Variants in ATP6V1C2 observed in about 807,000 individuals in gnomAD.
ATP6V1C2 encodes V-type proton ATPase subunit C 2.
ATP6V1C2 carries 45 observed loss-of-function variants against 56.8 expected under a neutral mutation model. The ratio of observed to expected loss-of-function variants is 0.79; its 90% CI spans 0.62 to 1.02. The LOEUF is 1.02. Ranked by LOEUF, ATP6V1C2 falls within the 50% of genes least tolerant of loss-of-function variation. The probability of loss-of-function intolerance (pLI) is 0.00; values close to 1 mark genes in which losing one functional copy is unlikely to be tolerated. For missense variants in ATP6V1C2, 463 were observed against 519.7 expected, an observed-to-expected ratio of 0.89 and a Z score of 1.06; for synonymous variants, 220 against 201.3, an observed-to-expected ratio of 1.09 and a Z score of -0.79.
intron 4 of ATP6V1C2, among the ~76,000 whole-genome samples, chr2:10,762,692 C>T (rs1228443873): frequency 6.6e-6 from 1 of 152,100 alleles, no homozygotes; most frequent in Non-Finnish European, 1.5e-5. Flanking sequence ...AACTTGCCTC[C>T]TCTCCTCCAT....
At chr2:10,761,984 G>A (rs1388347042) in intron 4 of ATP6V1C2, among the ~76,000 whole-genome samples, 2 of 152,222 alleles carry the variant, frequency 1.3e-5, no homozygotes, top group Admixed American at 1.3e-4. Flanking sequence ...AGTGCATGTG[G>A]CAGGGAGGGG....
chr2:10,722,673 G>A lies in ATP6V1C2; in HGVS notation c.-26-151G>A, dbSNP rs114720171. 1,171 of 799,870 alleles carry A rather than the reference G, an allele frequency of 1.5e-3. 8 individuals are homozygous for A. In the African/African-American group the frequency reaches 0.018, roughly 13 times the overall value. The allele number at this position is 799,870 out of a possible 1,614,324, so 49.5% of individuals were successfully genotyped here. On this transcript the variant is annotated intron_variant, in intron 1 of 13. Coordinates refer to ENST00000272238, the MANE Select transcript of ATP6V1C2 (RefSeq NM_001039362.2). ...TCGGGAACACCTGAGGGCTGCCCAG[G>A]TGGAGATAAGAGCTTTGCTTTTGCA...
intron 3 of ATP6V1C2, among the ~76,000 whole-genome samples, chr2:10,728,500 G>A (rs1661769962): frequency 6.6e-6 from 1 of 152,102 alleles, no homozygotes; most frequent in African/African-American, 2.4e-5. Flanking sequence ...TTCTTTTAAT[G>A]GCTGTGTTAC....
intron 3 of ATP6V1C2, among the ~76,000 whole-genome samples, chr2:10,729,479 A>G (rs532035080): frequency 1.6e-4 from 25 of 152,312 alleles, no homozygotes; most frequent in Admixed American, 9.8e-4. Flanking sequence ...CCATCCAAAT[A>G]TAACTATTAT....
chr2:10,782,143 G>A (rs754683922), intron 12 of ATP6V1C2, 100 bp from the exon 13 acceptor site: 21 of 1,411,870 alleles, frequency 1.5e-5, no homozygotes, highest in Admixed American at 2.0e-5. Flanking sequence ...TGTGTTGGTT[G>A]AAGCTTTTCA....
intron 3 of ATP6V1C2, among the ~76,000 whole-genome samples, chr2:10,745,919 T>C (rs1167166604): frequency 6.6e-6 from 1 of 152,224 alleles, no homozygotes; most frequent in Non-Finnish European, 1.5e-5. Flanking sequence ...ATGTCTTCAA[T>C]GTCTTACAGC....
At chr2:10,771,635 G>A (rs778067545) in intron 6 of ATP6V1C2, among the ~76,000 whole-genome samples, 3 of 152,228 alleles carry the variant, frequency 2.0e-5, no homozygotes, top group Non-Finnish European at 4.4e-5. Context: ...GGAGGCAGCA[G>A]CTGTGGCCCC....
At chr2:10,766,822 C>T (rs891927886) in intron 5 of ATP6V1C2, among the ~76,000 whole-genome samples, 2 of 152,066 alleles carry the variant, frequency 1.3e-5, no homozygotes, top group African/African-American at 2.4e-5. Flanking sequence ...ATACTTCTAT[C>T]GTGCAGAAGA....
At chr2:10,736,078 G>T (rs1480574982) in intron 3 of ATP6V1C2, among the ~76,000 whole-genome samples, 2 of 152,134 alleles carry the variant, frequency 1.3e-5, no homozygotes, top group African/African-American at 4.8e-5. Context: ...CATCCTGAAG[G>T]TTTGTTAAAA....
intron 4 of ATP6V1C2, among the ~76,000 whole-genome samples, chr2:10,762,286 C>T (rs565881781): frequency 7.4e-4 from 112 of 152,004 alleles, no homozygotes; most frequent in African/African-American, 2.6e-3. Context: ...GCTGGAACTA[C>T]GGGCGTGTGC....
At chr2:10,759,707 G>T (rs1013757128) in intron 4 of ATP6V1C2, among the ~76,000 whole-genome samples, 1 of 152,144 alleles carries the variant, frequency 6.6e-6, no homozygotes, top group Non-Finnish European at 1.5e-5. Flanking sequence ...GGCTGGGCAC[G>T]GTGGCTCACG....
chr2:10,724,001 A>G (rs575697678), intron 2 of ATP6V1C2, among the ~76,000 whole-genome samples: 1 of 151,790 alleles, frequency 6.6e-6, no homozygotes, highest in African/African-American at 2.4e-5. Flanking sequence ...CCCTCAGGTG[A>G]TCCACCTGCC....
At chr2:10,752,658 A>G (rs1663286078) in intron 3 of ATP6V1C2, among the ~76,000 whole-genome samples, 1 of 152,180 alleles carries the variant, frequency 6.6e-6, no homozygotes, top group Non-Finnish European at 1.5e-5. Flanking sequence ...TATCATCCAC[A>G]TTTTATAGGT....
chr2:10,751,634 C>T (rs1247529061), intron 3 of ATP6V1C2, among the ~76,000 whole-genome samples: 1 of 152,054 alleles, frequency 6.6e-6, no homozygotes, highest in Non-Finnish European at 1.5e-5. Flanking sequence ...GTCCACATAA[C>T]GACTGGATGG....
At chr2:10,725,489 ATTTTTTTT>A (rs371459373) in intron 2 of ATP6V1C2, among the ~76,000 whole-genome samples, 2 of 107,156 alleles carry the variant, frequency 1.9e-5, no homozygotes, top group African/African-American at 7.5e-5. Context: ...CCCAGCAAGA[ATTTTTTTT>A]TTTTTTTTTT....
intron 4 of ATP6V1C2, among the ~76,000 whole-genome samples, 196 bp from the exon 5 acceptor site, chr2:10,764,135 T>C (rs1000407392): frequency 1.3e-5 from 2 of 152,204 alleles, no homozygotes; most frequent in African/African-American, 2.4e-5. Flanking sequence ...GTGCTTGGGC[T>C]GACAGCTCCC....
At chr2:10,738,041 C>A (rs1019459359) in intron 3 of ATP6V1C2, among the ~76,000 whole-genome samples, 2 of 152,158 alleles carry the variant, frequency 1.3e-5, no homozygotes, top group East Asian at 1.9e-4. Context: ...TCCTCTCTAG[C>A]GCTTCTGTGT....
chr2:10,784,866 A>G lies in ATP6V1C2; in HGVS notation c.*1603A>G, dbSNP rs1294778494. Reference sequence around the variant, plus strand: ...ATGGGAAGGACTTGACTCCAGGTGCAGAGATGCACAGGCTCAAGAGAGTAA... The same window carrying G: ...ATGGGAAGGACTTGACTCCAGGTGCGGAGATGCACAGGCTCAAGAGAGTAA... On this transcript the variant is annotated 3_prime_UTR_variant, in exon 14 of 14. Transcript: ENST00000272238. 8.6e-7 allele frequency: 1 copy of G among 1,156,448 alleles called. No individual in the cohort carries two copies. The highest frequency in any genetic ancestry group is 1.3e-6 in the Non-Finnish European group (1 of 788,070). The allele number at this position is 1,156,448 out of a possible 1,614,324, so 71.6% of individuals were successfully genotyped here. A position where few individuals can be genotyped will look rare whatever the true frequency, so the allele number is the denominator to read the frequency against.
chr2:10,729,803 T>C (rs574653443), intron 3 of ATP6V1C2, among the ~76,000 whole-genome samples: 18 of 152,270 alleles, frequency 1.2e-4, no homozygotes, highest in Admixed American at 1.1e-3. Context: ...TGAGCTGAGC[T>C]GTGATCGTGC....
Sources: allele counts gnomAD v4.1 joint callset (sites outside exome capture counted in the v4.1 genomes callset), GRCh38; gene constraint gnomAD v4.1.1; transcripts MANE v1.5; gene names NCBI Gene and HGNC (gene_info 2026-07-23, HGNC 2026-07-21).